Variants in PCDHGA1 observed in about 807,000 individuals in gnomAD.
PCDHGA1 encodes protocadherin gamma subfamily A, 1, also known as protocadherin gamma-A1.
Under a neutral mutation model 58.0 loss-of-function variants are expected in PCDHGA1, and 32 were observed. The observed-to-expected ratio is 0.55, with a 90% CI of 0.42 to 0.74. The LOEUF is 0.74. PCDHGA1 is among the 30% of genes least tolerant of loss of function. The probability of loss-of-function intolerance (pLI) is 0.00; values close to 1 mark genes in which losing one functional copy is unlikely to be tolerated. For synonymous variants in PCDHGA1, 498 were observed against 501.1 expected (o/e 0.99, Z 0.08); for missense variants, 1,205 against 1,182.3 (o/e 1.02, Z -0.28).
chr5:141,341,875 A>C, intron 1 of PCDHGA1: 1 of 166,604 alleles, frequency 6.0e-6, no homozygotes, highest in Non-Finnish European at 1.3e-5. Flanking sequence ...GTCTTAATAC[A>C]TTTCTTTCAG....
At chr5:141,418,436 G>A in intron 1 of PCDHGA1, 1 of 1,614,000 alleles carries the variant, frequency 6.2e-7, no homozygotes. Flanking sequence ...CAAATATCCA[G>A]AATTAGTATT....
intron 1 of PCDHGA1, chr5:141,350,701 A>G (rs1296058954): frequency 5.6e-6 from 9 of 1,613,890 alleles, no homozygotes; most frequent in Non-Finnish European, 7.6e-6. Flanking sequence ...TACCCGGGGT[A>G]AAATTCTCTC....
At chr5:141,406,382 G>C (rs189693155) in intron 1 of PCDHGA1, among the ~76,000 whole-genome samples, 1 of 152,114 alleles carries the variant, frequency 6.6e-6, no homozygotes, top group Non-Finnish European at 1.5e-5. Context: ...TGATAAAAAG[G>C]TAAATGTATT....
intron 1 of PCDHGA1, among the ~76,000 whole-genome samples, chr5:141,464,221 C>T (rs570804761): frequency 2.9e-4 from 44 of 149,624 alleles, no homozygotes; most frequent in African/African-American, 9.6e-4. Flanking sequence ...GCTGAGATTG[C>T]GCCACTGCAC....
chr5:141,508,026 T>A (rs972124070), intron 3 of PCDHGA1: 3 of 152,314 alleles, frequency 2.0e-5, no homozygotes, highest in African/African-American at 7.2e-5. Context: ...GGCTGCGGTT[T>A]GCAGCTCAGC....
At chr5:141,409,866 G>T in intron 1 of PCDHGA1, 1 of 1,612,376 alleles carries the variant, frequency 6.2e-7, no homozygotes, top group Non-Finnish European at 8.5e-7. Context: ...GTGGGAGACC[G>T]CAATGACAAC....
At chr5:141,350,947 T>A in intron 1 of PCDHGA1, 2 of 1,614,070 alleles carry the variant, frequency 1.2e-6, no homozygotes, top group Non-Finnish European at 1.7e-6. Context: ...GGATCCGAGT[T>A]ACGGATGCCA....
chr5:141,429,487 C>G (rs2097218311), intron 1 of PCDHGA1, among the ~76,000 whole-genome samples: 1 of 151,822 alleles, frequency 6.6e-6, no homozygotes, highest in Non-Finnish European at 1.5e-5. Flanking sequence ...GTAGCTGAGA[C>G]TACAGTTGCC....
At chr5:141,364,574 G>C (rs184408500) in intron 1 of PCDHGA1, 12 of 1,614,166 alleles carry the variant, frequency 7.4e-6, no homozygotes, top group Non-Finnish European at 1.0e-5. Context: ...CCCGCGAAGC[G>C]GCAGCTTGGT....
At position 141,339,058 on chromosome 5, in the gene PCDHGA1, G is replaced by A. The variant is rs1220395503; in HGVS notation, c.2421+5953G>A. 3.1e-6 allele frequency: 5 copies of A among 1,612,242 alleles called. No homozygotes were observed. In the South Asian group the frequency reaches 4.4e-5, roughly 14 times the overall value. On this transcript the variant is annotated intron_variant, in intron 1 of 3. Transcript: ENST00000517417. ...CGACCCTGTGGGAGGCCAGGGCCGGGCAGATTCGCTATTCTGTGCGGGAAG... is the reference window on the plus strand; with the variant it reads ...CGACCCTGTGGGAGGCCAGGGCCGGACAGATTCGCTATTCTGTGCGGGAAG...
At chr5:141,355,408 G>A (rs543235054) in intron 1 of PCDHGA1, 3 of 1,614,114 alleles carry the variant, frequency 1.9e-6, no homozygotes, top group South Asian at 1.1e-5. Flanking sequence ...CGTCTCCAGA[G>A]GTAGGACGCA....
intron 1 of PCDHGA1, among the ~76,000 whole-genome samples, chr5:141,335,221 A>G (rs1029087725): frequency 6.6e-6 from 1 of 152,128 alleles, no homozygotes; most frequent in Non-Finnish European, 1.5e-5. Context: ...TTTTCTGTGT[A>G]TATACAAGTG....
intron 1 of PCDHGA1, chr5:141,421,591 G>T: frequency 6.2e-7 from 1 of 1,613,874 alleles, no homozygotes; most frequent in Non-Finnish European, 8.5e-7. Context: ...CGGAGTGGAG[G>T]TGGAAATAAT....
At chr5:141,375,324 A>G in intron 1 of PCDHGA1, 2 of 1,613,806 alleles carry the variant, frequency 1.2e-6, no homozygotes, top group Non-Finnish European at 1.7e-6. Flanking sequence ...GACCGGGAAG[A>G]GGTATTCTTG....
At chr5:141,357,707 C>A in intron 1 of PCDHGA1, 1 of 1,473,478 alleles carries the variant, frequency 6.8e-7, no homozygotes, top group East Asian at 2.4e-5. Flanking sequence ...TGTAATATAT[C>A]AAATAAAGTT....
Position 141,387,738 on chromosome 5 carries a change from A to G in PCDHGA1, c.2421+54633A>G, listed in dbSNP as rs972177545. On this transcript the variant is annotated intron_variant, in intron 1 of 3. Transcript: ENST00000517417. ...CAGACTCCCCAGCGCCAGCCTTTAC[A>G]CCGCTTCCTCCTCGGAAAAAGAAGA... 7 of 1,322,274 alleles carry G rather than the reference A, an allele frequency of 5.3e-6. No individual in the cohort carries two copies. The Admixed American group carries it at 1.1e-4, about 21-fold the overall frequency. 81.9% of individuals were successfully genotyped at this position (1,322,274 alleles called of 1,614,324 possible).
chr5:141,356,654 C>T (rs771447398), intron 1 of PCDHGA1: 2 of 1,614,016 alleles, frequency 1.2e-6, no homozygotes, highest in Non-Finnish European at 1.7e-6. Context: ...GGTGACAATG[C>T]CCGAATCACT....
At position 141,330,553 on chromosome 5, in the gene PCDHGA1, G is replaced by A. The variant is rs1756314730; in HGVS notation, c.-132G>A. On this transcript the variant is annotated 5_prime_UTR_variant, in exon 1 of 4. Transcript: ENST00000517417. ...GCCAGATTGAAAACTGACTGTCCAA[G>A]ACTGCCTAAATCCTACTTCTGGATG... 9 of 946,710 alleles carry A rather than the reference G, an allele frequency of 9.5e-6. No individual in the cohort carries two copies. The highest frequency in any genetic ancestry group is 1.7e-5 in the South Asian group (1 of 57,514). The allele number at this position is 946,710 out of a possible 1,614,324, so 58.6% of individuals were successfully genotyped here.
chr5:141,421,901 G>A lies in PCDHGA1; in HGVS notation c.2422-72906G>A. ...GATGGAGGCGATCCCATCCGAAAGG[G>A]CGCAGTTCCCATTCGTGTGGTGGTC... is the stretch of plus-strand genomic sequence containing the variant. On this transcript the variant is annotated intron_variant, in intron 1 of 3. Coordinates refer to ENST00000517417, the MANE Select transcript of PCDHGA1 (RefSeq NM_018912.3). 1.9e-6 allele frequency: 3 copies of A among 1,613,724 alleles called. No individual in the cohort carries two copies. Among genetic ancestry groups the A allele is most frequent in the East Asian group, 2.2e-5 (1 of 44,880 alleles).
Sources: allele counts gnomAD v4.1 joint callset (sites outside exome capture counted in the v4.1 genomes callset), GRCh38; gene constraint gnomAD v4.1.1; transcripts MANE v1.5; gene names NCBI Gene and HGNC (gene_info 2026-07-23, HGNC 2026-07-21).